Variants in DISP1 observed in about 807,000 individuals in gnomAD.
DISP1 encodes protein dispatched homolog 1.
DISP1 carries 30 observed loss-of-function variants against 37.3 expected under a neutral mutation model. The ratio of observed to expected loss-of-function variants is 0.80; its 90% CI spans 0.60 to 1.09. DISP1 has a LOEUF of 1.09. Among genes scored for constraint, DISP1 ranks in the 50% least tolerant of loss-of-function variants. The pLI, the probability that DISP1 is intolerant of heterozygous loss-of-function variation, is 0.00. For missense variants in DISP1, 1,598 were observed against 1,879.5 expected, an observed-to-expected ratio of 0.85 and a Z score of 2.77; for synonymous variants, 634 against 690.2, an observed-to-expected ratio of 0.92 and a Z score of 1.28.
intron 1 of DISP1, among the ~76,000 whole-genome samples, chr1:222,921,796 A>G (rs1054712367): frequency 6.6e-6 from 1 of 152,242 alleles, no homozygotes; most frequent in African/African-American, 2.4e-5. Flanking sequence ...GGTATAATAT[A>G]CTTTATATCC....
chr1:222,995,019 A>G (rs1572724548), intron 8 of DISP1, 37 bp downstream of exon 8: 3 of 1,494,756 alleles, frequency 2.0e-6, no homozygotes, highest in Middle Eastern at 3.5e-4. Flanking sequence ...CTTAGCACAA[A>G]TAAGGTTGTA....
chr1:222,871,366 A>G (rs1246211874), intron 1 of DISP1, among the ~76,000 whole-genome samples: 1 of 152,140 alleles, frequency 6.6e-6, no homozygotes, highest in Non-Finnish European at 1.5e-5. Flanking sequence ...CACTGAATCT[A>G]TAAATTACCT....
chr1:222,922,687 C>A (rs1224046808), intron 1 of DISP1, among the ~76,000 whole-genome samples: 2 of 151,968 alleles, frequency 1.3e-5, no homozygotes, highest in Non-Finnish European at 2.9e-5. Context: ...TTGAAATGTC[C>A]TTAGAGAGTA....
At chr1:222,828,046 C>T (rs1266830601) in intron 1 of DISP1, among the ~76,000 whole-genome samples, 2 of 152,154 alleles carry the variant, frequency 1.3e-5, no homozygotes, top group Non-Finnish European at 2.9e-5. Context: ...GAAGACTGTA[C>T]TAGGTATAGT....
chr1:222,987,351 T>C (rs1678355856), intron 4 of DISP1, among the ~76,000 whole-genome samples: 1 of 152,180 alleles, frequency 6.6e-6, no homozygotes, highest in South Asian at 2.1e-4. Context: ...TCCCCCATGG[T>C]GTTTTATATA....
At chr1:222,876,945 T>C (rs1360893872) in intron 1 of DISP1, among the ~76,000 whole-genome samples, 1 of 152,234 alleles carries the variant, frequency 6.6e-6, no homozygotes, top group East Asian at 1.9e-4. Context: ...TTCATATTAG[T>C]CTCTTTATCT....
intron 1 of DISP1, among the ~76,000 whole-genome samples, chr1:222,831,831 G>A (rs538324807): frequency 6.6e-6 from 1 of 152,258 alleles, no homozygotes; most frequent in South Asian, 2.1e-4. Flanking sequence ...GAAAAGATAA[G>A]ATTGGGGCTA....
intron 3 of DISP1, among the ~76,000 whole-genome samples, chr1:222,959,161 A>T (rs1306939164): frequency 2.0e-5 from 3 of 152,206 alleles, no homozygotes; most frequent in Non-Finnish European, 2.9e-5. Context: ...ATTTTTTAAA[A>T]TTATGACATG....
chr1:222,865,409 C>T (rs116802440), intron 1 of DISP1, among the ~76,000 whole-genome samples: 1,742 of 152,184 alleles, frequency 0.011, 33 homozygotes, highest in African/African-American at 0.04. Flanking sequence ...TGTATAGAAA[C>T]ATTTAAGTTG....
intron 1 of DISP1, among the ~76,000 whole-genome samples, chr1:222,879,148 A>G (rs1338212949): frequency 6.6e-6 from 1 of 152,128 alleles, no homozygotes; most frequent in African/African-American, 2.4e-5. Flanking sequence ...TAGTTTTTAA[A>G]TTGTGCTTGT....
chr1:222,849,071 T>C (rs1668083124), intron 1 of DISP1, among the ~76,000 whole-genome samples: 1 of 152,208 alleles, frequency 6.6e-6, no homozygotes, highest in African/African-American at 2.4e-5. Context: ...AATGTGTGTA[T>C]ACTACATATT....
At chr1:222,850,244 T>C (rs1292758594) in intron 1 of DISP1, among the ~76,000 whole-genome samples, 1 of 152,214 alleles carries the variant, frequency 6.6e-6, no homozygotes, top group Admixed American at 6.5e-5. Flanking sequence ...CATTTTTCTC[T>C]CTTTTGCTAA....
At chr1:222,980,384 C>G (rs1029712959) in intron 3 of DISP1, among the ~76,000 whole-genome samples, 6 of 150,956 alleles carry the variant, frequency 4.0e-5, no homozygotes, top group Admixed American at 2.0e-4. Context: ...TTAGGATTGA[C>G]AAATAGGAAT....
At chr1:222,849,348 A>C (rs566119031) in intron 1 of DISP1, among the ~76,000 whole-genome samples, 83 of 152,322 alleles carry the variant, frequency 5.4e-4, no homozygotes, top group Non-Finnish European at 9.6e-4. Context: ...AACCATGTGA[A>C]AAATACCAAT....
intron 1 of DISP1, among the ~76,000 whole-genome samples, chr1:222,844,506 TG>T (rs1210165496): frequency 2.0e-5 from 3 of 152,136 alleles, no homozygotes; most frequent in African/African-American, 7.2e-5. Context: ...AGAAAATCCT[TG>T]ATGTATTAGA....
intron 1 of DISP1, among the ~76,000 whole-genome samples, chr1:222,858,537 A>C (rs764446243): frequency 6.6e-6 from 1 of 152,180 alleles, no homozygotes; most frequent in Non-Finnish European, 1.5e-5. Context: ...ATCAGAGTGA[A>C]CAGGCAACCT....
chr1:222,975,828 T>C (rs1572671556), intron 3 of DISP1, among the ~76,000 whole-genome samples: 1 of 152,246 alleles, frequency 6.6e-6, no homozygotes, highest in Non-Finnish European at 1.5e-5. Flanking sequence ...CATGCTTTGC[T>C]TTTTTAAAAA....
intron 3 of DISP1, among the ~76,000 whole-genome samples, chr1:222,968,767 C>G (rs1572651838): frequency 6.6e-6 from 1 of 151,836 alleles, no homozygotes; most frequent in Admixed American, 6.6e-5. Context: ...CACCCCGTCT[C>G]TACTAAAAAT....
chr1:222,952,941 C>A (rs1201846488), intron 3 of DISP1, among the ~76,000 whole-genome samples: 1 of 152,206 alleles, frequency 6.6e-6, no homozygotes, highest in Non-Finnish European at 1.5e-5. Context: ...CCTTCAGAAT[C>A]TTCTAGAGGC....
Sources: allele counts gnomAD v4.1 joint callset (sites outside exome capture counted in the v4.1 genomes callset), GRCh38; gene constraint gnomAD v4.1.1; transcripts MANE v1.5; gene names NCBI Gene and HGNC (gene_info 2026-07-23, HGNC 2026-07-21).